Variants in ACO2 observed in about 807,000 individuals in gnomAD.
The protein encoded by ACO2 is aconitate hydratase, mitochondrial.
A neutral mutation model predicts 84.5 loss-of-function variants in ACO2; 31 were observed. The observed-to-expected ratio is 0.37, with a 90% CI of 0.28 to 0.50. ACO2 has a LOEUF of 0.50. Among genes scored for constraint, ACO2 ranks in the 20% least tolerant of loss-of-function variants. The pLI is 0.97. For synonymous variants in ACO2, 414 were observed against 412.7 expected (o/e 1.00, Z -0.04); for missense variants, 685 against 1,029.3 (o/e 0.67, Z 4.58).
At chr22:41,482,591 C>G (rs2267434) in intron 1 of ACO2, among the ~76,000 whole-genome samples, 1 of 152,134 alleles carries the variant, frequency 6.6e-6, no homozygotes, top group African/African-American at 2.4e-5. Flanking sequence ...AGTGCTATAA[C>G]GATGCTTAGG....
chr22:41,478,232 G>A (rs1769439628), intron 1 of ACO2, among the ~76,000 whole-genome samples: 3 of 152,008 alleles, frequency 2.0e-5, no homozygotes, highest in Admixed American at 2.0e-4. Flanking sequence ...CCACCTCCTG[G>A]GTTCAAGCAG....
chr22:41,527,037 A>G (rs1342022490), intron 15 of ACO2: 3 of 577,010 alleles, frequency 5.2e-6, no homozygotes, highest in East Asian at 3.0e-5. Context: ...CCAAGCACCA[A>G]TGGGTGGCTT....
Position 41,515,681 on chromosome 22 carries a change from T to C in ACO2, c.685-86T>C, listed in dbSNP as rs539483795. ...GGAGGTAGAGACCAATAAGCAGCAATGTGAATGGCAGCAGGGCCATCCTGA... is the reference window on the plus strand; with the variant it reads ...GGAGGTAGAGACCAATAAGCAGCAACGTGAATGGCAGCAGGGCCATCCTGA... On this transcript the variant is annotated intron_variant, in intron 5 of 17. Coordinates refer to ENST00000216254, the MANE Select transcript of ACO2 (RefSeq NM_001098.3). The surrounding 1 kb of genome is among the most constrained non-coding windows in gnomAD (Gnocchi z 5.8). 19 of 1,604,272 alleles carry C rather than the reference T, an allele frequency of 1.2e-5. No individual in the cohort carries two copies. In the East Asian group the frequency reaches 4.2e-4, roughly 36 times the overall value.
chr22:41,527,329 C>T lies in ACO2; in HGVS notation c.1995C>T (p.Tyr665=), dbSNP rs747282200. Residue 665 remains tyrosine (Y), a synonymous_variant, in exon 16 of 18, where the codon TAC becomes TAT. Transcript: ENST00000216254. The part of the protein sequence containing the change: ...IRWVVIGDEN[Y]GEGSSREHAA... The stretch of plus-strand genomic sequence containing the variant: ...GGGTGGTGATCGGAGACGAGAACTA[C>T]GGCGAGGGCTCGAGCCGGGAGCATG... 4.3e-5 allele frequency: 69 copies of T among 1,614,040 alleles called. No individual in the cohort carries two copies. The highest frequency in any genetic ancestry group is 1.6e-4 in the Middle Eastern group (1 of 6,076).
At chr22:41,501,710 A>C (rs2066354926) in intron 2 of ACO2, among the ~76,000 whole-genome samples, 1 of 152,166 alleles carries the variant, frequency 6.6e-6, no homozygotes, top group African/African-American at 2.4e-5. Context: ...CATGCAGTGC[A>C]TGAGTGGTGG....
chr22:41,486,895 C>CT (rs1050039945), intron 1 of ACO2, among the ~76,000 whole-genome samples: 6 of 147,904 alleles, frequency 4.1e-5, no homozygotes, highest in East Asian at 2.1e-4. Flanking sequence ...CTTTTGTTTT[C>CT]TTTTTTTTGA....
At chr22:41,474,998 C>T (rs979741397) in intron 1 of ACO2, among the ~76,000 whole-genome samples, 1 of 151,914 alleles carries the variant, frequency 6.6e-6, no homozygotes, top group Non-Finnish European at 1.5e-5. Context: ...GGTGAGAAAG[C>T]CAGATGACGT....
At chr22:41,509,708 G>T (rs919215915) in intron 3 of ACO2, among the ~76,000 whole-genome samples, 1 of 152,042 alleles carries the variant, frequency 6.6e-6, no homozygotes, top group Non-Finnish European at 1.5e-5. Context: ...TTGGAAGAGC[G>T]GGTGGTATGA....
intron 1 of ACO2, among the ~76,000 whole-genome samples, chr22:41,490,304 C>T (rs1483775773): frequency 2.0e-5 from 3 of 151,962 alleles, no homozygotes; most frequent in East Asian, 1.9e-4. Flanking sequence ...CCAGCCTGGG[C>T]GACAGAGCAA....
In ACO2 at chr22:41,528,700, C is replaced by T; in HGVS notation, c.*87C>T. On this transcript the variant is annotated 3_prime_UTR_variant, in exon 18 of 18. Transcript: ENST00000216254. ...ATCCGATCCGTCCAGCCATGGCTTC[C>T]TATTCCAAGATGGTGTGACCAGACA... 1 of 1,528,042 alleles carries T rather than the reference C, an allele frequency of 6.5e-7. No homozygotes were observed. The highest frequency in any genetic ancestry group is 1.2e-5 in the South Asian group (1 of 80,754). 94.7% of individuals were successfully genotyped at this position (1,528,042 alleles called of 1,614,324 possible).
At chr22:41,526,501 G>A (rs1391064633) in intron 15 of ACO2, 48 bp downstream of exon 15, 1 of 1,569,188 alleles carries the variant, frequency 6.4e-7, no homozygotes, top group Non-Finnish European at 8.7e-7. Context: ...TCCTGAAGGG[G>A]CCTGCAAGGC....
At position 41,472,766 on chromosome 22, in the gene ACO2, A is replaced by G. The variant is rs113250967; in HGVS notation, c.36+3584A>G. 5.4e-3 allele frequency among the ~76,000 whole-genome samples: 825 copies of G among 152,210 alleles called. 7 individuals are homozygous for G. Among genetic ancestry groups the G allele is most frequent in the Middle Eastern group, 0.034 (10 of 294 alleles). ...ACCAGCTAAGGAGGTGAGATTTTTGAAAAACCACATTTATTCTCTGGTTTT... is the reference window on the plus strand; with the variant it reads ...ACCAGCTAAGGAGGTGAGATTTTTGGAAAACCACATTTATTCTCTGGTTTT... On this transcript the variant is annotated intron_variant, in intron 1 of 17. Coordinates refer to ENST00000216254, the MANE Select transcript of ACO2 (RefSeq NM_001098.3).
At chr22:41,526,197 A>C in intron 14 of ACO2, 65 bp from the exon 15 acceptor site, 2 of 1,486,000 alleles carry the variant, frequency 1.3e-6, no homozygotes, top group Non-Finnish European at 1.8e-6. Flanking sequence ...CTGCCTCTGG[A>C]GGGCTTGTCA....
intron 1 of ACO2, among the ~76,000 whole-genome samples, chr22:41,475,145 T>TAA (rs113478534): frequency 1.8e-4 from 22 of 124,018 alleles, no homozygotes; most frequent in African/African-American, 5.6e-4. Context: ...ACCTTTTTTA[T>TAA]AAAAAAAAAA....
chr22:41,504,109 G>A (rs985964862), intron 2 of ACO2, among the ~76,000 whole-genome samples: 1 of 152,156 alleles, frequency 6.6e-6, no homozygotes, highest in Admixed American at 6.5e-5. Context: ...CCGGCCACTC[G>A]GGAGGCTGAG....
chr22:41,485,487 C>T (rs2038141947), intron 1 of ACO2, among the ~76,000 whole-genome samples: 1 of 128,578 alleles, frequency 7.8e-6, no homozygotes, highest in Non-Finnish European at 1.5e-5. Context: ...GTCGCCCAGT[C>T]TGGAGTGCAG....
chr22:41,486,298 C>T (rs1309907213), intron 1 of ACO2, among the ~76,000 whole-genome samples: 1 of 151,918 alleles, frequency 6.6e-6, no homozygotes, highest in East Asian at 1.9e-4. Flanking sequence ...CTGTCAACCT[C>T]TTCTTTTTTT....
Position 41,526,318 on chromosome 22 carries a change from C to G in ACO2, c.1818C>G (p.Phe606Leu). The G allele has an allele frequency of 6.2e-7, 1 of 1,612,900 alleles. No individual in the cohort carries two copies. Among genetic ancestry groups the G allele is most frequent in the Non-Finnish European group, 8.5e-7 (1 of 1,180,028 alleles). The change falls in exon 15 of 18, where the codon TTC becomes TTG. Residue 606 changes from phenylalanine (F) to leucine (L), a missense_variant. Around this residue, in one of 5 missense-constraint regions of ACO2, gnomAD observed 174 missense variants for 236.6 expected, o/e 0.74. Coordinates refer to ENST00000216254, the MANE Select transcript of ACO2 (RefSeq NM_001098.3). Reference protein sequence around the residue: ...HISAAGPWLKFRGHLDNISNN... With the variant: ...HISAAGPWLKLRGHLDNISNN... Reference sequence around the variant, plus strand: ...CAGCTGCTGGCCCCTGGCTCAAGTTCCGTGGGCACTTGGATAACATCTCCA... The same window carrying G: ...CAGCTGCTGGCCCCTGGCTCAAGTTGCGTGGGCACTTGGATAACATCTCCA...
At chr22:41,493,132 C>T (rs2066285688) in intron 1 of ACO2, among the ~76,000 whole-genome samples, 1 of 152,068 alleles carries the variant, frequency 6.6e-6, no homozygotes, top group Non-Finnish European at 1.5e-5. Context: ...ACTCGCATGA[C>T]AACTAACCCA....
Sources: gnomAD v4.1 joint callset for allele counts (sites outside exome capture counted in the v4.1 genomes callset) on GRCh38, gnomAD v4.1.1 for gene constraint, gnomAD v4.1.1 regional missense constraint, Gnocchi (gnomAD v3.1) non-coding constraint, MANE v1.5 for transcripts, NCBI Gene and HGNC (gene_info 2026-07-23, HGNC 2026-07-21) for gene names.